KCNIP3: variants seen among roughly 807,000 people sequenced by gnomAD.
The protein encoded by KCNIP3 is calsenilin.
A neutral mutation model predicts 35.0 loss-of-function variants in KCNIP3; 28 were observed. That is an observed-to-expected ratio of 0.80 (90% CI 0.59 to 1.10). The LOEUF (loss-of-function observed/expected upper bound fraction) is 1.10, where lower values mean the gene tolerates loss of function less well. KCNIP3 is among the 50% of genes least tolerant of loss of function. KCNIP3 has a pLI of 0.00. For missense variants in KCNIP3, 295 were observed against 338.4 expected, an observed-to-expected ratio of 0.87 and a Z score of 1.01; for synonymous variants, 134 against 133.8, an observed-to-expected ratio of 1.00 and a Z score of -0.01.
chr2:95,310,644 A>G (rs768389139), intron 2 of KCNIP3, 124 bp downstream of exon 2: 28 of 1,030,278 alleles, frequency 2.7e-5, no homozygotes, highest in Middle Eastern at 2.0e-4. Flanking sequence ...CCCTGTCTCT[A>G]TTGGAGGTGT....
At chr2:95,383,134 C>T (rs1458927740) in intron 7 of KCNIP3, 98 bp from the exon 8 acceptor site, 28 of 729,120 alleles carry the variant, frequency 3.8e-5, no homozygotes, top group South Asian at 2.4e-4. Context: ...TCCACCCACC[C>T]GCCCATCCAC....
At chr2:95,319,270 C>T (rs1417505501) in intron 2 of KCNIP3, among the ~76,000 whole-genome samples, 2 of 152,164 alleles carry the variant, frequency 1.3e-5, no homozygotes, top group Non-Finnish European at 2.9e-5. Context: ...CCCCAGGTGG[C>T]AAGTTTGGTG....
intron 2 of KCNIP3, among the ~76,000 whole-genome samples, chr2:95,337,493 G>C (rs1679088286): frequency 6.6e-6 from 1 of 152,154 alleles, no homozygotes; most frequent in Non-Finnish European, 1.5e-5. Context: ...TAGGTCTCTT[G>C]AGTGTGTCAT....
chr2:95,310,557 T>C, intron 2 of KCNIP3, 37 bp downstream of exon 2: 1 of 902,544 alleles, frequency 1.1e-6, no homozygotes, highest in Non-Finnish European at 1.6e-6. Context: ...AGGGTGGGGG[T>C]GGGGAGATCT....
intron 2 of KCNIP3, among the ~76,000 whole-genome samples, chr2:95,326,878 C>T (rs1437536964): frequency 6.6e-6 from 1 of 152,230 alleles, no homozygotes; most frequent in South Asian, 2.1e-4. Flanking sequence ...CCTGCCCTTC[C>T]TCGGCAGGGC....
chr2:95,342,400 T>C (rs1211846601), intron 2 of KCNIP3, among the ~76,000 whole-genome samples: 1 of 152,236 alleles, frequency 6.6e-6, no homozygotes, highest in African/African-American at 2.4e-5. Flanking sequence ...TAGTAAGTGC[T>C]TTAGCTGCTT....
At chr2:95,383,330 C>T (rs772875643) in intron 8 of KCNIP3, 36 bp downstream of exon 8, 11 of 1,601,842 alleles carry the variant, frequency 6.9e-6, no homozygotes, top group South Asian at 4.4e-5. Context: ...CAGTTCTCTG[C>T]AGGCTCTACA....
chr2:95,347,200 C>G (rs1194920096), intron 2 of KCNIP3: 14 of 1,276,822 alleles, frequency 1.1e-5, no homozygotes, highest in Non-Finnish European at 1.5e-5. Context: ...TACCCGCACG[C>G]CGGGGTGCAC....
intron 2 of KCNIP3, among the ~76,000 whole-genome samples, chr2:95,362,103 T>C (rs1679811968): frequency 1.3e-5 from 2 of 148,290 alleles, no homozygotes; most frequent in Non-Finnish European, 1.5e-5. Context: ...TCTCCTACCC[T>C]TTTTTTTTTC....
At chr2:95,371,047 G>A (rs952097478) in intron 2 of KCNIP3, among the ~76,000 whole-genome samples, 1 of 152,160 alleles carries the variant, frequency 6.6e-6, no homozygotes, top group Non-Finnish European at 1.5e-5. Flanking sequence ...GGGATTATAG[G>A]CGTGAGCCAC....
chr2:95,354,211 T>A (rs1192880085), intron 2 of KCNIP3, among the ~76,000 whole-genome samples: 1 of 152,136 alleles, frequency 6.6e-6, no homozygotes, highest in African/African-American at 2.4e-5. Flanking sequence ...GCCCTCAGAT[T>A]TTCTGTGTTC....
At chr2:95,298,578 C>G (rs1308428539) in intron 1 of KCNIP3, 1 of 152,172 alleles carries the variant, frequency 6.6e-6, no homozygotes, top group Non-Finnish European at 1.5e-5. Context: ...CTTCCTGCCT[C>G]TTTCATCTGT....
chr2:95,350,769 T>C (rs1257382905), intron 2 of KCNIP3, among the ~76,000 whole-genome samples: 1 of 152,192 alleles, frequency 6.6e-6, no homozygotes, highest in East Asian at 1.9e-4. Context: ...ACCTGGGAAC[T>C]TTAAAAAATA....
chr2:95,365,158 C>CTT (rs75136882), intron 2 of KCNIP3, among the ~76,000 whole-genome samples: 240 of 120,436 alleles, frequency 2.0e-3, no homozygotes, highest in African/African-American at 2.6e-3. Context: ...GTCCTTATGT[C>CTT]TTTTTTTTTT....
intron 2 of KCNIP3, among the ~76,000 whole-genome samples, chr2:95,351,438 G>A (rs1458268739): frequency 1.3e-5 from 2 of 152,238 alleles, no homozygotes; most frequent in Non-Finnish European, 2.9e-5. Flanking sequence ...TTCCCGGGGA[G>A]AGCTGTTGGT....
At chr2:95,340,143 G>T (rs1679159830) in intron 2 of KCNIP3, among the ~76,000 whole-genome samples, 1 of 152,200 alleles carries the variant, frequency 6.6e-6, no homozygotes, top group Admixed American at 6.5e-5. Context: ...TTTGAGACCA[G>T]CCTGGCCAAC....
chr2:95,310,536 G>A lies in KCNIP3; in HGVS notation c.181+16G>A, dbSNP rs1678285799. ...CAGGGCTCAGGTAGGGGCCAGGGTG[G>A]GCTGTGGTCAAGGGTGGGGGTGGGG... On this transcript the variant is annotated intron_variant, in intron 2 of 8. Transcript: ENST00000295225. The A allele has an allele frequency of 6.2e-7, 1 of 1,612,834 alleles. No individual in the cohort carries two copies. The highest frequency in any genetic ancestry group is 1.3e-5 in the African/African-American group (1 of 74,832).
chr2:95,308,108 G>C (rs111938483), intron 1 of KCNIP3, among the ~76,000 whole-genome samples: 1 of 141,022 alleles, frequency 7.1e-6, no homozygotes, highest in East Asian at 2.0e-4. Context: ...ATGTGTGTGC[G>C]TGTGTGTGCA....
At chr2:95,305,354 C>T (rs1558757255) in intron 1 of KCNIP3, among the ~76,000 whole-genome samples, 1 of 152,176 alleles carries the variant, frequency 6.6e-6, no homozygotes, top group Non-Finnish European at 1.5e-5. Flanking sequence ...GTTGTAGATT[C>T]ACATGCAGTT....
Sources: gnomAD v4.1 joint callset for allele counts (sites outside exome capture counted in the v4.1 genomes callset) on GRCh38, gnomAD v4.1.1 for gene constraint, MANE v1.5 for transcripts, NCBI Gene and HGNC (gene_info 2026-07-23, HGNC 2026-07-21) for gene names.